NLRP12: variants seen among roughly 807,000 people sequenced by gnomAD.
NLRP12 encodes NACHT, LRR and PYD domains-containing protein 12.
NLRP12 carries 108 observed loss-of-function variants against 91.2 expected under a neutral mutation model. The observed-to-expected ratio is 1.18, with a 90% confidence interval of 1.01 to 1.39. The LOEUF is 1.39. NLRP12 is among the 40% of genes most tolerant of loss of function. NLRP12 has a pLI of 0.00. For missense variants in NLRP12, 1,530 were observed against 1,352.7 expected, an observed-to-expected ratio of 1.13 and a Z score of -2.06; for synonymous variants, 613 against 566.7, an observed-to-expected ratio of 1.08 and a Z score of -1.16.
intron 7 of NLRP12, among the ~76,000 whole-genome samples, chr19:53,799,489 CT>C (rs796614006): frequency 6.2e-4 from 88 of 142,858 alleles, no homozygotes; most frequent in Admixed American, 6.3e-4. Context: ...ACAAATTTTT[CT>C]TTTTTTTTTT....
intron 3 of NLRP12, chr19:53,808,524 C>CA (rs1317660773): frequency 6.6e-6 from 1 of 151,834 alleles, no homozygotes; most frequent in Non-Finnish European, 1.5e-5. Flanking sequence ...GCCTGGCCAA[C>CA]ATGGTGACAC....
intron 2 of NLRP12, among the ~76,000 whole-genome samples, chr19:53,814,312 G>T (rs889512185): frequency 6.6e-6 from 1 of 152,124 alleles, no homozygotes; most frequent in Non-Finnish European, 1.5e-5. Flanking sequence ...TTACGTGGAT[G>T]TGACTGGTAA....
At chr19:53,822,913 G>A (rs921985812) in intron 1 of NLRP12, among the ~76,000 whole-genome samples, 5 of 151,600 alleles carry the variant, frequency 3.3e-5, no homozygotes, top group Non-Finnish European at 5.9e-5. Context: ...GACTATAAGC[G>A]TGTGCCACCA....
In NLRP12 at chr19:53,798,393, C is replaced by T; in HGVS notation, c.2777G>A (p.Gly926Asp). ...AGAAAGACCCTCACAGGCGGCAGAG[C>T]CCAGCCGGCAGATGCCCAACCTGCA... ...QTLRLGICRL[G>D]SAACEGLSVV... Residue 926 changes from glycine (G) to aspartate (D), a missense_variant, in exon 8 of 10, where the codon GGC (glycine) becomes GAC (aspartate). Coordinates refer to ENST00000324134, the MANE Select transcript of NLRP12 (RefSeq NM_144687.4). 1.2e-6 allele frequency: 2 copies of T among 1,614,060 alleles called. No individual in the cohort carries two copies. The highest frequency in any genetic ancestry group is 2.2e-5 in the East Asian group (1 of 44,868).
In NLRP12 at chr19:53,805,436, C is replaced by T. The variant is rs148745997; in HGVS notation, c.2258G>A (p.Arg753His). 1.4e-4 allele frequency: 220 copies of T among 1,613,666 alleles called. No individual in the cohort carries two copies. In the East Asian group the frequency reaches 3.9e-3, roughly 29 times the overall value. The part of the protein sequence containing the change: ...KLQNLRLKRC[R>H]ISSSACEDLS... ...GTCCTCGCAGGCTGAGCTGGAGATG[C>T]GGCACCTCTTCAGCCTGGGGTGGAA... Residue 753 changes from arginine to histidine, a missense_variant, in exon 5 of 10, where the codon CGC becomes CAC. Arg to His is a conservative substitution (Grantham distance 29). Transcript: ENST00000324134.
intron 7 of NLRP12, among the ~76,000 whole-genome samples, chr19:53,799,551 T>G (rs552349364): frequency 3.3e-5 from 5 of 151,816 alleles, no homozygotes; most frequent in African/African-American, 1.2e-4. Context: ...TGGCAAAATC[T>G]CAGCTCACTG....
chr19:53,819,650 T>C lies in NLRP12; in HGVS notation c.289+4236A>G, dbSNP rs1449164851. Among the ~76,000 whole-genome samples, 45 of 97,466 alleles carry C rather than the reference T, an allele frequency of 4.6e-4. 8 individuals are homozygous for C. Among genetic ancestry groups the C allele is most frequent in the Non-Finnish European group, 8.0e-4 (38 of 47,412 alleles). The allele number at this position is 97,466 out of a possible 152,430, so 63.9% of individuals were successfully genotyped here. Reference sequence around the variant, plus strand: ...ACGCGTATATATGTATGTATACGTATATATATACACATGTATACATATATG... The same window carrying C: ...ACGCGTATATATGTATGTATACGTACATATATACACATGTATACATATATG... On this transcript the variant is annotated intron_variant, in intron 1 of 9. Transcript: ENST00000324134.
At chr19:53,799,695 C>A (rs2091835669) in intron 7 of NLRP12, among the ~76,000 whole-genome samples, 1 of 151,916 alleles carries the variant, frequency 6.6e-6, no homozygotes, top group Non-Finnish European at 1.5e-5. Flanking sequence ...GTTGGCCAGG[C>A]TAGTCTTGAA....
chr19:53,803,307 G>A (rs770687770), intron 6 of NLRP12, among the ~76,000 whole-genome samples: 1 of 151,748 alleles, frequency 6.6e-6, no homozygotes, highest in African/African-American at 2.4e-5. Flanking sequence ...TCAGCCTCCC[G>A]AGTAGTTGGG....
chr19:53,805,524 T>TC, intron 4 of NLRP12, 74 bp from the exon 5 acceptor site: 1 of 1,511,446 alleles, frequency 6.6e-7, no homozygotes. Flanking sequence ...TCTTTTGCTT[T>TC]TTTTTTTTTT....
In NLRP12 at chr19:53,810,883, G is replaced by A; in HGVS notation, c.776C>T (p.Ala259Val). The A allele has an allele frequency of 6.2e-7, 1 of 1,614,088 alleles. No individual in the cohort carries two copies. The highest frequency in any genetic ancestry group is 2.2e-5 in the East Asian group (1 of 44,872). ...GAGGTCTTGCATGCTGCATTCCGTG[G>A]CACTCTGGTTCATCTCCCTGCAGTT... The part of the protein sequence containing the change: ...YINCREMNQS[A>V]TECSMQDLIF... Residue 259 changes from alanine to valine, a missense_variant, in exon 3 of 10, where the codon GCC becomes GTC. Physicochemically the swap from Ala to Val is moderately conservative, Grantham distance 64. Coordinates refer to ENST00000324134, the MANE Select transcript of NLRP12 (RefSeq NM_144687.4).
At chr19:53,807,997 G>A (rs1380533548) in intron 3 of NLRP12, 14 of 365,342 alleles carry the variant, frequency 3.8e-5, no homozygotes, top group African/African-American at 4.2e-5. Context: ...TGATCTGCCC[G>A]CCTCAACCTC....
rs548562847 is a variant in NLRP12, at chr19:53,793,876, C to T, written c.*173G>A. Reference sequence around the variant, plus strand: ...CTAGGATTACATACATGAGCCACCACGCCTGGCCAGCTCTGTCAAACATTA... The same window carrying T: ...CTAGGATTACATACATGAGCCACCATGCCTGGCCAGCTCTGTCAAACATTA... On this transcript the variant is annotated 3_prime_UTR_variant, in exon 10 of 10. Transcript: ENST00000324134. The T allele has an allele frequency of 2.8e-4, 195 of 693,668 alleles. 1 individual carries two copies. The highest frequency in any genetic ancestry group is 2.2e-3 in the African/African-American group (124 of 56,972). The allele number at this position is 693,668 out of a possible 1,614,324, so 43.0% of individuals were successfully genotyped here. A position where few individuals can be genotyped will look rare whatever the true frequency, so the allele number is the denominator to read the frequency against.
chr19:53,817,165 G>T (rs917823654), intron 1 of NLRP12, among the ~76,000 whole-genome samples: 3 of 151,518 alleles, frequency 2.0e-5, no homozygotes, highest in Non-Finnish European at 2.9e-5. Flanking sequence ...ATGGTGGCAG[G>T]CACCTGTAGT....
chr19:53,796,003 T>A lies in NLRP12; in HGVS notation c.2954A>T (p.Lys985Met), dbSNP rs993368284. Residue 985 changes from lysine (K) to methionine (M), a missense_variant, in exon 9 of 10, where the codon AAG becomes ATG. Transcript: ENST00000324134. ...GGTGAAGTAAAGATTCTCACAAGCC[T>A]TGGCTGTGAGGCCACAGCTATCCAG... ...LWLDSCGLTAKACENLYFTLG... is the reference protein window; with the variant it reads ...LWLDSCGLTAMACENLYFTLG... The A allele has an allele frequency of 1.9e-6, 3 of 1,614,070 alleles. No homozygotes were observed. Among genetic ancestry groups the A allele is most frequent in the Middle Eastern group, 3.3e-4 (2 of 6,062 alleles).
intron 6 of NLRP12, 135 bp from the exon 7 acceptor site, chr19:53,801,532 A>T: frequency 8.4e-7 from 1 of 1,196,108 alleles, no homozygotes; most frequent in Non-Finnish European, 1.1e-6. Flanking sequence ...GCTCAGCTGC[A>T]TCCTCCACCT....
chr19:53,824,365 G>A (rs985569420), upstream of NLRP12: 2 of 625,466 alleles, frequency 3.2e-6, no homozygotes, highest in South Asian at 1.8e-5. Context: ...TCACTCTTCA[G>A]TTCCCTCCTG....
intron 8 of NLRP12, among the ~76,000 whole-genome samples, chr19:53,797,685 G>A (rs944220815): frequency 5.9e-5 from 9 of 151,952 alleles, no homozygotes; most frequent in Admixed American, 5.9e-4. Context: ...CCAAAGTGCT[G>A]GGATTGCAGG....
intron 2 of NLRP12, among the ~76,000 whole-genome samples, chr19:53,812,750 C>T (rs776180027): frequency 2.6e-5 from 4 of 152,032 alleles, no homozygotes; most frequent in Admixed American, 6.6e-5. Context: ...GAGTTTGATA[C>T]TAAAATTTTC....
Sources: allele counts gnomAD v4.1 joint callset (sites outside exome capture counted in the v4.1 genomes callset), GRCh38; gene constraint gnomAD v4.1.1; transcripts MANE v1.5; gene names NCBI Gene and HGNC (gene_info 2026-07-23, HGNC 2026-07-21).